The following LUZP2 variants were observed in gnomAD, a reference collection of about 807,000 sequenced individuals.
The protein encoded by LUZP2 is leucine zipper protein 2.
A neutral mutation model predicts 51.6 loss-of-function variants in LUZP2; 52 were observed. The observed-to-expected ratio is 1.01, with a 90% CI of 0.81 to 1.27. The LOEUF (loss-of-function observed/expected upper bound fraction) is 1.27. LUZP2 is among the 50% of genes most tolerant of loss of function. The pLI, the probability that LUZP2 is intolerant of heterozygous loss-of-function variation, is 0.00. For synonymous variants in LUZP2, 154 were observed against 137.3 expected (o/e 1.12, Z -0.85); for missense variants, 436 against 395.4 (o/e 1.10, Z -0.87).
intron 1 of LUZP2, among the ~76,000 whole-genome samples, chr11:24,631,464 C>T (rs1565041501): frequency 6.6e-6 from 1 of 151,300 alleles, no homozygotes; most frequent in Non-Finnish European, 1.5e-5. Flanking sequence ...TTTTCTGTGC[C>T]TATAGAGAGA....
intron 7 of LUZP2, among the ~76,000 whole-genome samples, chr11:24,949,143 AT>A (rs1207431621): frequency 6.6e-6 from 1 of 151,594 alleles, no homozygotes; most frequent in Non-Finnish European, 1.5e-5. Context: ...GAAAAAACAT[AT>A]GTTTTAGCTC....
intron 1 of LUZP2, among the ~76,000 whole-genome samples, chr11:24,524,409 G>T (rs1411407636): frequency 6.6e-6 from 1 of 151,638 alleles, no homozygotes; most frequent in Non-Finnish European, 1.5e-5. Context: ...TTATAGATAA[G>T]TGCTCTTCTT....
intron 1 of LUZP2, among the ~76,000 whole-genome samples, chr11:24,600,798 A>G (rs1853607151): frequency 6.6e-6 from 1 of 152,144 alleles, no homozygotes; most frequent in South Asian, 2.1e-4. Flanking sequence ...CATTTGCATT[A>G]CCTATTATAG....
rs557697080 is a variant in LUZP2 at position 24,854,968 on chromosome 11, T to C, written c.397-51023T>C. On this transcript the variant is annotated intron_variant, in intron 5 of 11. Transcript: ENST00000336930. ...CCCTCCGTGAGCCACACCCACTGTC[T>C]AACCAGTCCCAGTGAGATGAGCTGG... Among the ~76,000 whole-genome samples, 14 of 152,244 alleles carry C rather than the reference T, an allele frequency of 9.2e-5. No individual in the cohort carries two copies. In the South Asian group the frequency reaches 2.3e-3, roughly 25 times the overall value.
chr11:24,859,054 C>T (rs1039991275), intron 5 of LUZP2, among the ~76,000 whole-genome samples: 1 of 152,126 alleles, frequency 6.6e-6, no homozygotes, highest in Non-Finnish European at 1.5e-5. Flanking sequence ...TTTGTTTACT[C>T]ACCCATTATT....
At chr11:24,589,036 T>A (rs1356104781) in intron 1 of LUZP2, among the ~76,000 whole-genome samples, 3 of 152,090 alleles carry the variant, frequency 2.0e-5, no homozygotes, top group Non-Finnish European at 4.4e-5. Flanking sequence ...AGTTTGGTAA[T>A]TTATCCATCT....
intron 10 of LUZP2, among the ~76,000 whole-genome samples, chr11:25,074,337 A>G (rs1200052991): frequency 1.3e-5 from 2 of 152,184 alleles, no homozygotes; most frequent in Non-Finnish European, 2.9e-5. Context: ...TAACAATTTT[A>G]TGAACCATCT....
intron 1 of LUZP2, among the ~76,000 whole-genome samples, chr11:24,614,693 A>G (rs7114043): frequency 0.22 from 33,280 of 151,840 alleles, 4,458 homozygotes; most frequent in African/African-American, 0.37. Context: ...TTCCTCGAGA[A>G]GGGACACATA....
intron 1 of LUZP2, among the ~76,000 whole-genome samples, chr11:24,532,754 G>A (rs1851049815): frequency 6.6e-6 from 1 of 150,942 alleles, no homozygotes; most frequent in Non-Finnish European, 1.5e-5. Flanking sequence ...TAGAGGACCT[G>A]ACTCTGTTCT....
chr11:24,801,770 A>T (rs534287936), intron 5 of LUZP2, among the ~76,000 whole-genome samples: 1 of 151,212 alleles, frequency 6.6e-6, no homozygotes, highest in East Asian at 1.9e-4. Flanking sequence ...TTCTTAATAT[A>T]AGGAATAGTA....
chr11:24,972,280 A>T (rs1251824354), intron 7 of LUZP2, among the ~76,000 whole-genome samples: 1 of 151,886 alleles, frequency 6.6e-6, no homozygotes, highest in Admixed American at 6.6e-5. Flanking sequence ...TTTATGATGA[A>T]TTTATGACAA....
intron 5 of LUZP2, among the ~76,000 whole-genome samples, chr11:24,771,505 T>G (rs79522681): frequency 0.026 from 3,858 of 150,694 alleles, 104 homozygotes; most frequent in African/African-American, 0.07. Context: ...AGTTCACATT[T>G]TTCACAAAGA....
chr11:24,995,527 C>A (rs1402583871), intron 9 of LUZP2, among the ~76,000 whole-genome samples: 1 of 151,876 alleles, frequency 6.6e-6, no homozygotes, highest in Non-Finnish European at 1.5e-5. Context: ...TTTCATGTTA[C>A]CTCATTTTTT....
At chr11:24,849,103 G>A (rs1035759310) in intron 5 of LUZP2, among the ~76,000 whole-genome samples, 1 of 149,620 alleles carries the variant, frequency 6.7e-6, no homozygotes, top group Non-Finnish European at 1.5e-5. Context: ...TTAAAAATTA[G>A]TTTCTGTGAC....
chr11:24,871,815 T>C (rs1417047189), intron 5 of LUZP2, among the ~76,000 whole-genome samples: 1 of 152,116 alleles, frequency 6.6e-6, no homozygotes, highest in Admixed American at 6.6e-5. Context: ...TCTCTAAGAA[T>C]GACTGACCCA....
intron 10 of LUZP2, among the ~76,000 whole-genome samples, chr11:25,058,749 C>T (rs911053636): frequency 1.3e-5 from 2 of 152,216 alleles, no homozygotes; most frequent in South Asian, 2.1e-4. Flanking sequence ...CCCTTCCCCT[C>T]GACCACTCCT....
chr11:24,707,627 T>C (rs570266477), intron 1 of LUZP2, among the ~76,000 whole-genome samples: 1 of 152,132 alleles, frequency 6.6e-6, no homozygotes, highest in African/African-American at 2.4e-5. Context: ...CAACCAGAAG[T>C]ACCAGAGTCC....
At chr11:24,637,514 AT>A (rs981663691) in intron 1 of LUZP2, among the ~76,000 whole-genome samples, 2 of 151,782 alleles carry the variant, frequency 1.3e-5, no homozygotes, top group African/African-American at 4.9e-5. Flanking sequence ...ATAGAGCCAT[AT>A]TTTTCTCCTT....
chr11:24,558,260 G>A (rs1851930593), intron 1 of LUZP2, among the ~76,000 whole-genome samples: 1 of 152,076 alleles, frequency 6.6e-6, no homozygotes, highest in Non-Finnish European at 1.5e-5. Flanking sequence ...TGAGGCCTTT[G>A]AACCTGAGCT....
Sources: allele counts gnomAD v4.1 joint callset (sites outside exome capture counted in the v4.1 genomes callset), GRCh38; gene constraint gnomAD v4.1.1; transcripts MANE v1.5; gene names NCBI Gene and HGNC (gene_info 2026-07-23, HGNC 2026-07-21).